Variants in TEX10 observed in about 807,000 individuals in gnomAD.
TEX10 encodes testis-expressed protein 10.
Under a neutral mutation model 104.4 loss-of-function variants are expected in TEX10, and 24 were observed. The observed-to-expected ratio is 0.23, with a 90% confidence interval of 0.17 to 0.32. The LOEUF is 0.32. Among genes scored for constraint, TEX10 ranks in the 10% least tolerant of loss-of-function variants. The probability of loss-of-function intolerance (pLI) is 1.00; values close to 1 mark genes in which losing one functional copy is unlikely to be tolerated. For missense variants in TEX10, 921 were observed against 1,083.9 expected (o/e 0.85, Z 2.11); for synonymous variants, 396 against 393.4 (o/e 1.01, Z -0.08).
chr9:100,344,841 T>C (rs1460870237), intron 4 of TEX10, among the ~76,000 whole-genome samples: 1 of 152,124 alleles, frequency 6.6e-6, no homozygotes. Context: ...AGCGAAACTA[T>C]GTCTCAAAAA....
chr9:100,323,253 T>C (rs1282549927), intron 9 of TEX10, among the ~76,000 whole-genome samples: 1 of 152,182 alleles, frequency 6.6e-6, no homozygotes, highest in African/African-American at 2.4e-5. Flanking sequence ...AAACCATATA[T>C]ACTTTCCAAG....
chr9:100,331,877 A>G (rs772494413), intron 5 of TEX10, among the ~76,000 whole-genome samples: 2 of 152,238 alleles, frequency 1.3e-5, no homozygotes, highest in South Asian at 4.1e-4. Flanking sequence ...ATTTACAAAG[A>G]AGAAAAATTA....
At chr9:100,334,184 A>C (rs1444019872) in intron 5 of TEX10, among the ~76,000 whole-genome samples, 1 of 152,134 alleles carries the variant, frequency 6.6e-6, no homozygotes, top group African/African-American at 2.4e-5. Flanking sequence ...AGCAGAATAA[A>C]CAGAAAAGAA....
chr9:100,320,295 A>G lies in TEX10; in HGVS notation c.2172T>C (p.Asp724=), dbSNP rs887682376. 1.1e-5 allele frequency: 18 copies of G among 1,612,560 alleles called. No individual in the cohort carries two copies. Among genetic ancestry groups the G allele is most frequent in the Middle Eastern group, 1.6e-4 (1 of 6,080 alleles). ...SPVLLYLTDL[D]QFLHHWDVTE... is the part of the protein sequence containing the mutation. ...TTACATCCCAGTGGTGTAAAAATTG[A>G]TCCAAATCTGTAAGGTAGAGAAGCA... The change falls in exon 11 of 15, where the codon GAT becomes GAC. Residue 724 remains aspartate (D), a synonymous_variant. Coordinates refer to ENST00000374902, the MANE Select transcript of TEX10 (RefSeq NM_017746.4).
chr9:100,340,391 G>GA (rs1835143356), intron 4 of TEX10, 22 bp from the exon 5 acceptor site: 1 of 1,401,512 alleles, frequency 7.1e-7, no homozygotes, highest in East Asian at 2.6e-5. Context: ...GCAAAGATTA[G>GA]AAAAATCTAC....
chr9:100,303,838 T>G lies in TEX10; in HGVS notation c.2470A>C (p.Lys824Gln), dbSNP rs1414121623. ...ATGGAGACACAGACCCCCCACAGCT[T>G]GTCCCTACAATAACAGAGACAGAAA... ...GEAEHLRKRD[K>Q]LWGVCVSILA... The change falls in exon 14 of 15, where the codon AAG becomes CAG. Residue 824 changes from lysine (K) to glutamine (Q), a missense_variant. Transcript: ENST00000374902. 1 of 1,613,676 alleles carries G rather than the reference T, an allele frequency of 6.2e-7. No individual in the cohort carries two copies. Among genetic ancestry groups the G allele is most frequent in the Non-Finnish European group, 8.5e-7 (1 of 1,179,968 alleles).
At chr9:100,329,085 G>C in intron 7 of TEX10, 55 bp downstream of exon 7, 2 of 1,486,918 alleles carry the variant, frequency 1.3e-6, no homozygotes, top group Non-Finnish European at 1.8e-6. Context: ...TAAATACTTA[G>C]ACTACAGAAA....
chr9:100,315,820 G>C (rs1403350304), intron 11 of TEX10, among the ~76,000 whole-genome samples: 1 of 152,142 alleles, frequency 6.6e-6, no homozygotes, highest in Non-Finnish European at 1.5e-5. Context: ...TTCTCTTGCT[G>C]ATTTTAGAAT....
At chr9:100,345,887 TC>T (rs1474526866) in intron 4 of TEX10, among the ~76,000 whole-genome samples, 184 bp downstream of exon 4, 4 of 145,428 alleles carry the variant, frequency 2.8e-5, no homozygotes, top group Non-Finnish European at 6.0e-5. Context: ...ATATATATAT[TC>T]ACAGATAATA....
intron 5 of TEX10, among the ~76,000 whole-genome samples, chr9:100,333,381 C>T (rs956781467): frequency 1.3e-5 from 2 of 152,118 alleles, no homozygotes; most frequent in Admixed American, 6.6e-5. Flanking sequence ...AATAATTCTT[C>T]CTAAACTAAT....
intron 2 of TEX10, 84 bp downstream of exon 2, chr9:100,349,099 GT>G: frequency 8.2e-7 from 1 of 1,223,914 alleles, no homozygotes; most frequent in African/African-American, 1.5e-5. Context: ...TACTCTAAGA[GT>G]TTAGACAAAT....
chr9:100,332,969 C>G (rs1834906529), intron 5 of TEX10, among the ~76,000 whole-genome samples: 1 of 152,074 alleles, frequency 6.6e-6, no homozygotes, highest in South Asian at 2.1e-4. Context: ...AGTCAAAAGT[C>G]AAAGCCTAGG....
At chr9:100,340,726 A>G (rs1835152195) in intron 4 of TEX10, among the ~76,000 whole-genome samples, 1 of 152,236 alleles carries the variant, frequency 6.6e-6, no homozygotes, top group African/African-American at 2.4e-5. Context: ...CCATAACTCT[A>G]TTCTCCAGCA....
chr9:100,310,186 G>A, intron 12 of TEX10, 113 bp downstream of exon 12: 2 of 834,904 alleles, frequency 2.4e-6, no homozygotes, highest in Non-Finnish European at 3.9e-6. Flanking sequence ...AAGAGACTAT[G>A]ATATCATTAA....
intron 7 of TEX10, among the ~76,000 whole-genome samples, chr9:100,328,671 T>C (rs1834769537): frequency 6.6e-6 from 1 of 152,226 alleles, no homozygotes. Flanking sequence ...TTTCTGACTA[T>C]GCCAAATAAA....
chr9:100,321,176 T>C (rs984625305), intron 10 of TEX10, among the ~76,000 whole-genome samples: 17 of 152,318 alleles, frequency 1.1e-4, no homozygotes, highest in African/African-American at 3.4e-4. Flanking sequence ...TTCATAAATA[T>C]ACAGTAAACA....
intron 9 of TEX10, 78 bp downstream of exon 9, chr9:100,326,224 G>T (rs1232205998): frequency 4.0e-6 from 6 of 1,488,498 alleles, no homozygotes; most frequent in Non-Finnish European, 5.4e-6. Flanking sequence ...ACTTCAAAAG[G>T]CTTCCGTAAT....
At chr9:100,323,201 A>T (rs117622161) in intron 9 of TEX10, among the ~76,000 whole-genome samples, 1 of 152,226 alleles carries the variant, frequency 6.6e-6, no homozygotes, top group East Asian at 1.9e-4. Context: ...GTGAAAAGTG[A>T]TAAATGACAA....
At chr9:100,309,653 T>A (rs1834225378) in intron 12 of TEX10, among the ~76,000 whole-genome samples, 1 of 152,024 alleles carries the variant, frequency 6.6e-6, no homozygotes, top group African/African-American at 2.4e-5. Flanking sequence ...GAAAAAGGAG[T>A]CTGGATGTGC....
Sources: allele counts gnomAD v4.1 joint callset (sites outside exome capture counted in the v4.1 genomes callset), GRCh38; gene constraint gnomAD v4.1.1; transcripts MANE v1.5; gene names NCBI Gene and HGNC (gene_info 2026-07-23, HGNC 2026-07-21).